CYSLTR2: variants seen among roughly 807,000 people sequenced by gnomAD.
The protein encoded by CYSLTR2 is cysteinyl leukotriene receptor 2.
For synonymous variants in CYSLTR2, 179 were observed against 160.8 expected (o/e 1.11, Z -0.86); for missense variants, 398 against 411.9 (o/e 0.97, Z 0.29).
chr13:48,677,426 GA>G (rs1953626795), intron 1 of CYSLTR2, among the ~76,000 whole-genome samples: 1 of 152,158 alleles, frequency 6.6e-6, no homozygotes, highest in African/African-American at 2.4e-5. Context: ...GTTGGTCACA[GA>G]GTTTGGTAGG....
intron 4 of CYSLTR2, among the ~76,000 whole-genome samples, chr13:48,705,094 C>T (rs1954446328): frequency 6.6e-6 from 1 of 152,178 alleles, no homozygotes; most frequent in African/African-American, 2.4e-5. Flanking sequence ...TTCAGTTTTG[C>T]AACTCTGTTG....
In CYSLTR2 at chr13:48,709,304, G is replaced by C. The variant is rs1276946801; in HGVS notation, c.*1446G>C. On this transcript the variant is annotated 3_prime_UTR_variant, in exon 5 of 5. Transcript: ENST00000682523. ...TTGTTGACTCATAGTACAGTAAAGG[G>C]TGGAGGTGATATGGCATTCTGAAAG... is the stretch of plus-strand genomic sequence containing the variant. 2 of 167,050 alleles carry C rather than the reference G, an allele frequency of 1.2e-5. No individual in the cohort carries two copies. The highest frequency in any genetic ancestry group is 2.9e-5 in the Non-Finnish European group (2 of 68,114). 10.3% of individuals were successfully genotyped at this position (167,050 alleles called of 1,614,324 possible).
At chr13:48,682,843 C>T (rs1193542839) in intron 1 of CYSLTR2, among the ~76,000 whole-genome samples, 2 of 152,012 alleles carry the variant, frequency 1.3e-5, no homozygotes, top group Non-Finnish European at 2.9e-5. Context: ...AAGCTTAGTA[C>T]CCAATAACTA....
intron 1 of CYSLTR2, among the ~76,000 whole-genome samples, chr13:48,669,946 C>G (rs536256501): frequency 2.0e-5 from 3 of 152,326 alleles, no homozygotes; most frequent in Admixed American, 2.0e-4. Flanking sequence ...TCTGTTGCTT[C>G]CTGACTTTTC....
Position 48,707,698 on chromosome 13 carries a change from C to T in CYSLTR2, c.881C>T (p.Ala294Val). ...GCTTTGGTTATCACACTGGCCTTGG[C>T]AGCAGCCAATGCCTGCTTCAATCCT... is the stretch of plus-strand genomic sequence containing the variant. The part of the protein sequence containing the change: ...HKALVITLAL[A>V]AANACFNPLL... The change falls in exon 5 of 5, where the codon GCA becomes GTA. Residue 294 changes from alanine (A) to valine (V), a missense_variant. Transcript: ENST00000682523. 1.2e-6 allele frequency: 2 copies of T among 1,613,632 alleles called. No homozygotes were observed. Among genetic ancestry groups the T allele is most frequent in the South Asian group, 1.1e-5 (1 of 91,044 alleles).
rs368515172 is a variant in CYSLTR2 at position 48,661,459 on chromosome 13, T to A, written c.-266+7442T>A. On this transcript the variant is annotated intron_variant, in intron 1 of 4. Coordinates refer to ENST00000682523, the MANE Select transcript of CYSLTR2 (RefSeq NM_001308476.3). ...ATTTCTCAGCCTTGTTTTTATATAT[T>A]TACTAGTGCCCTGCAAAAATTTTGC... Among the ~76,000 whole-genome samples, 66 of 152,308 alleles carry A rather than the reference T, an allele frequency of 4.3e-4. 1 individual carries two copies. Among genetic ancestry groups the A allele is most frequent in the African/African-American group, 1.6e-3 (65 of 41,552 alleles).
At chr13:48,669,582 T>C (rs1046246933) in intron 1 of CYSLTR2, among the ~76,000 whole-genome samples, 3 of 152,192 alleles carry the variant, frequency 2.0e-5, no homozygotes, top group African/African-American at 7.2e-5. Context: ...TCCAGCTTCA[T>C]CCATGTCCCT....
intron 1 of CYSLTR2, among the ~76,000 whole-genome samples, chr13:48,666,757 A>G (rs1953273005): frequency 6.6e-6 from 1 of 151,860 alleles, no homozygotes; most frequent in African/African-American, 2.4e-5. Flanking sequence ...CTTTTTTATG[A>G]TAACTATCTT....
chr13:48,705,996 G>T (rs1216539712), intron 4 of CYSLTR2, among the ~76,000 whole-genome samples: 41 of 128,544 alleles, frequency 3.2e-4, no homozygotes, highest in African/African-American at 2.6e-4. Flanking sequence ...TTGTTTTGTT[G>T]TTGTTTTTTT....
chr13:48,667,641 T>C (rs1259042946), intron 1 of CYSLTR2, among the ~76,000 whole-genome samples: 1 of 152,180 alleles, frequency 6.6e-6, no homozygotes, highest in African/African-American at 2.4e-5. Flanking sequence ...GCATGACCTA[T>C]GGGGATGTTT....
At chr13:48,685,518 ACC>A (rs1317952760) in intron 1 of CYSLTR2, among the ~76,000 whole-genome samples, 1 of 152,092 alleles carries the variant, frequency 6.6e-6, no homozygotes, top group African/African-American at 2.4e-5. Flanking sequence ...GTTTTAAGCT[ACC>A]CTGTTTGTGA....
intron 1 of CYSLTR2, among the ~76,000 whole-genome samples, chr13:48,659,814 C>T (rs1338829042): frequency 1.3e-5 from 2 of 152,154 alleles, no homozygotes; most frequent in Non-Finnish European, 2.9e-5. Context: ...TAGATACCGC[C>T]AACCTTTCTA....
chr13:48,660,576 T>C (rs1172245954), intron 1 of CYSLTR2, among the ~76,000 whole-genome samples: 3 of 152,186 alleles, frequency 2.0e-5, no homozygotes, highest in Non-Finnish European at 2.9e-5. Context: ...CCACTTCCTC[T>C]GGAAGCTCAG....
At chr13:48,682,386 C>T (rs1427011401) in intron 1 of CYSLTR2, among the ~76,000 whole-genome samples, 2 of 152,162 alleles carry the variant, frequency 1.3e-5, no homozygotes, top group South Asian at 4.1e-4. Context: ...GAGTCAGGCT[C>T]ACAGAGTTCC....
intron 1 of CYSLTR2, among the ~76,000 whole-genome samples, chr13:48,671,866 T>C (rs900505654): frequency 3.9e-5 from 6 of 152,194 alleles, no homozygotes; most frequent in African/African-American, 7.2e-5. Context: ...CAGCTCCTCT[T>C]TGTACCTCTG....
chr13:48,660,588 G>A (rs1953103577), intron 1 of CYSLTR2, among the ~76,000 whole-genome samples: 2 of 152,152 alleles, frequency 1.3e-5, no homozygotes, highest in Non-Finnish European at 2.9e-5. Flanking sequence ...GAAGCTCAGA[G>A]ACCAGCTCCG....
At chr13:48,690,772 A>G (rs1296751193) in intron 1 of CYSLTR2, among the ~76,000 whole-genome samples, 2 of 152,194 alleles carry the variant, frequency 1.3e-5, no homozygotes, top group Non-Finnish European at 2.9e-5. Context: ...GCCTCATAAA[A>G]TGAGTTAGGG....
chr13:48,707,143 T>A lies in CYSLTR2; in HGVS notation c.326T>A (p.Leu109Gln). ...LRGSNWIFGD[L>Q]ACRIMSYSLY... is the part of the protein sequence containing the mutation. ...GGCTCCAATTGGATATTTGGAGACC[T>A]GGCCTGCAGGATTATGTCTTATTCC... The change falls in exon 5 of 5, where the codon CTG becomes CAG. Residue 109 changes from leucine to glutamine, a missense_variant. By Grantham distance (113) the Leu-to-Gln change is moderately radical (BLOSUM62 -2). Transcript: ENST00000682523. 6.2e-7 allele frequency: 1 copy of A among 1,614,188 alleles called. No individual in the cohort carries two copies. The highest frequency in any genetic ancestry group is 1.1e-5 in the South Asian group (1 of 91,078).
chr13:48,677,536 T>G lies in CYSLTR2; in HGVS notation c.-265-13676T>G, dbSNP rs564725851. ...CCGTTCTCCTGGATTTCTGGTAGAC[T>G]GTACATTCTACCATACTATGGCTCA... On this transcript the variant is annotated intron_variant, in intron 1 of 4. Transcript: ENST00000682523. 3.3e-5 allele frequency among the ~76,000 whole-genome samples: 5 copies of G among 152,268 alleles called. No homozygotes were observed. In the South Asian group the frequency reaches 1.0e-3, roughly 32 times the overall value.
Sources: gnomAD v4.1 joint callset for allele counts (sites outside exome capture counted in the v4.1 genomes callset) on GRCh38, gnomAD v4.1.1 for gene constraint, MANE v1.5 for transcripts, NCBI Gene and HGNC (gene_info 2026-07-23, HGNC 2026-07-21) for gene names.